The following ITGBL1 variants were observed in gnomAD, a reference collection of about 807,000 sequenced individuals.
ITGBL1 encodes integrin beta-like protein 1.
Under a neutral mutation model 68.5 loss-of-function variants are expected in ITGBL1, and 51 were observed. The observed-to-expected ratio is 0.74, with a 90% CI of 0.59 to 0.94. The LOEUF is 0.94. Ranked by LOEUF, ITGBL1 falls within the 40% of genes least tolerant of loss-of-function variation. The pLI, the probability that ITGBL1 is intolerant of heterozygous loss-of-function variation, is 0.00. For missense variants in ITGBL1, 649 were observed against 647.4 expected, an observed-to-expected ratio of 1.00 and a Z score of -0.03; for synonymous variants, 209 against 227.3, an observed-to-expected ratio of 0.92 and a Z score of 0.72.
chr13:101,681,812 G>C (rs72659176), intron 7 of ITGBL1, among the ~76,000 whole-genome samples: 28,629 of 152,028 alleles, frequency 0.19, 3,472 homozygotes, highest in Admixed American at 0.28. Flanking sequence ...GTGGGTGTGC[G>C]CATGTGCGCA....
chr13:101,511,009 C>T (rs2139110409), intron 2 of ITGBL1, among the ~76,000 whole-genome samples: 2 of 151,990 alleles, frequency 1.3e-5, no homozygotes, highest in African/African-American at 2.4e-5. Context: ...TTAATTAGAT[C>T]TCACTTGTCA....
chr13:101,466,451 A>G (rs1009206546), intron 2 of ITGBL1, among the ~76,000 whole-genome samples: 1 of 152,198 alleles, frequency 6.6e-6, no homozygotes, highest in African/African-American at 2.4e-5. Flanking sequence ...TATAGGTATC[A>G]AATCTAAATT....
chr13:101,632,149 CTATA>C (rs957458892), intron 7 of ITGBL1, among the ~76,000 whole-genome samples: 2 of 141,530 alleles, frequency 1.4e-5, no homozygotes, highest in African/African-American at 2.8e-5. Context: ...CTCTCTCTCT[CTATA>C]TATATATATA....
chr13:101,471,534 G>A (rs1469599283), intron 2 of ITGBL1, among the ~76,000 whole-genome samples: 6 of 28,002 alleles, frequency 2.1e-4, no homozygotes, highest in African/African-American at 1.2e-3. Flanking sequence ...GTGTATGTAT[G>A]TGTGTGTGTG....
chr13:101,623,050 A>T (rs1399352195), intron 7 of ITGBL1, among the ~76,000 whole-genome samples: 6 of 152,098 alleles, frequency 3.9e-5, no homozygotes, highest in Non-Finnish European at 5.9e-5. Context: ...TATTTTGCAG[A>T]TAAACAATTT....
At chr13:101,667,968 G>C (rs543960539) in intron 7 of ITGBL1, among the ~76,000 whole-genome samples, 1 of 151,474 alleles carries the variant, frequency 6.6e-6, no homozygotes, top group South Asian at 2.1e-4. Context: ...AAATAAATTG[G>C]TTTTAAATTT....
At chr13:101,648,148 GT>G (rs570534316) in intron 7 of ITGBL1, among the ~76,000 whole-genome samples, 1 of 152,214 alleles carries the variant, frequency 6.6e-6, no homozygotes, top group South Asian at 2.1e-4. Context: ...TTATTACACC[GT>G]TCAGAGCTTC....
intron 7 of ITGBL1, among the ~76,000 whole-genome samples, chr13:101,611,360 C>T (rs1197897881): frequency 1.3e-5 from 2 of 152,094 alleles, no homozygotes; most frequent in African/African-American, 4.8e-5. Context: ...TTTCATGTGC[C>T]CTTCTGCACC....
rs140986809 is a variant in ITGBL1, at chr13:101,638,697, G to A, written c.1015+40398G>A. Among the ~76,000 whole-genome samples, 519 of 152,068 alleles carry A rather than the reference G, an allele frequency of 3.4e-3. 3 individuals are homozygous for A. The highest frequency in any genetic ancestry group is 0.012 in the African/African-American group (493 of 41,490). ...ATTCACTACCATGAGAGCAATATGG[G>A]GGAAACCACCCCCATGATTCAATTA... On this transcript the variant is annotated intron_variant, in intron 7 of 10. Transcript: ENST00000376180.
At chr13:101,489,889 C>A in intron 2 of ITGBL1, 1 of 971,844 alleles carries the variant, frequency 1.0e-6, no homozygotes, top group Non-Finnish European at 1.6e-6. Flanking sequence ...GAGAGGTGGA[C>A]TAAAGGTTAG....
intron 7 of ITGBL1, among the ~76,000 whole-genome samples, chr13:101,620,185 A>G (rs186610189): frequency 1.6e-3 from 236 of 152,248 alleles, no homozygotes; most frequent in African/African-American, 5.4e-3. Flanking sequence ...TTTGGGATGC[A>G]TGTCTTTGTC....
intron 6 of ITGBL1, among the ~76,000 whole-genome samples, chr13:101,588,335 A>G (rs1436269): frequency 0.29 from 42,630 of 144,512 alleles, 6,256 homozygotes; most frequent in East Asian, 0.46. Context: ...GTACATACAG[A>G]GAGATCTTTA....
At chr13:101,590,444 G>T (rs1244331633) in intron 6 of ITGBL1, among the ~76,000 whole-genome samples, 1 of 152,042 alleles carries the variant, frequency 6.6e-6, no homozygotes, top group Non-Finnish European at 1.5e-5. Context: ...CACTGCTTGT[G>T]AATTCAGGTG....
intron 5 of ITGBL1, among the ~76,000 whole-genome samples, chr13:101,582,545 T>A (rs1279740923): frequency 6.6e-6 from 1 of 152,200 alleles, no homozygotes; most frequent in Non-Finnish European, 1.5e-5. Flanking sequence ...ACCAAGTTTA[T>A]GTCTCTCAAT....
chr13:101,695,164 C>T (rs1338877373), intron 8 of ITGBL1, among the ~76,000 whole-genome samples: 2 of 152,182 alleles, frequency 1.3e-5, no homozygotes, highest in African/African-American at 4.8e-5. Flanking sequence ...CTAATGCCTT[C>T]ATATCTGGAT....
intron 2 of ITGBL1, among the ~76,000 whole-genome samples, chr13:101,505,081 A>G (rs1020338958): frequency 2.6e-5 from 4 of 151,700 alleles, no homozygotes; most frequent in African/African-American, 9.7e-5. Flanking sequence ...CTCCCTACTT[A>G]TTTATTATAA....
intron 7 of ITGBL1, among the ~76,000 whole-genome samples, chr13:101,626,126 T>C (rs113876051): frequency 7.4e-4 from 113 of 152,288 alleles, no homozygotes; most frequent in African/African-American, 2.6e-3. Context: ...CAGCATCAAA[T>C]TGTATTTCAG....
At chr13:101,483,242 G>T (rs1429042134) in intron 2 of ITGBL1, among the ~76,000 whole-genome samples, 2 of 152,170 alleles carry the variant, frequency 1.3e-5, no homozygotes, top group Non-Finnish European at 2.9e-5. Flanking sequence ...CTGACTCAGG[G>T]AGTATCTCTG....
intron 7 of ITGBL1, among the ~76,000 whole-genome samples, chr13:101,671,295 A>C (rs2033352670): frequency 6.6e-6 from 1 of 152,152 alleles, no homozygotes; most frequent in South Asian, 2.1e-4. Flanking sequence ...TAACTAACAA[A>C]GATGATGTTT....
Sources: gnomAD v4.1 joint callset for allele counts (sites outside exome capture counted in the v4.1 genomes callset) on GRCh38, gnomAD v4.1.1 for gene constraint, MANE v1.5 for transcripts, NCBI Gene and HGNC (gene_info 2026-07-23, HGNC 2026-07-21) for gene names.